ZNF600: variants seen among roughly 807,000 people sequenced by gnomAD.
ZNF600 encodes zinc finger protein 600, also known as zinc finger protein KR-ZNF1.
ZNF600 carries 4 observed loss-of-function variants against 7.3 expected under a neutral mutation model. The observed-to-expected ratio is 0.55, with a 90% confidence interval of 0.27 to 1.25. The LOEUF (loss-of-function observed/expected upper bound fraction) is 1.25. ZNF600 is among the 50% of genes most tolerant of loss of function. ZNF600 has a pLI of 0.12. For missense variants in ZNF600, 911 were observed against 922.1 expected, an observed-to-expected ratio of 0.99 and a Z score of 0.16; for synonymous variants, 290 against 308.9, an observed-to-expected ratio of 0.94 and a Z score of 0.64.
the ZNF600 span, among the ~76,000 whole-genome samples, chr19:52,832,034 A>G: frequency 1.3e-5 from 2 of 152,158 alleles, no homozygotes; most frequent in Admixed American, 6.6e-5. Flanking sequence ...TGTGTTTTCT[A>G]CATAAACCAT....
intron 3 of ZNF600, among the ~76,000 whole-genome samples, chr19:52,768,312 G>C (rs1283749731): frequency 1.3e-5 from 2 of 151,162 alleles, no homozygotes; most frequent in African/African-American, 4.9e-5. Flanking sequence ...GCTGGCCCGT[G>C]CCTGACAGTC....
chr19:52,811,063 T>G, the ZNF600 span, among the ~76,000 whole-genome samples: 13 of 136,054 alleles, frequency 9.6e-5, no homozygotes, highest in African/African-American at 2.9e-4. Context: ...CTGGTTTTCG[T>G]TTTTTTTTTT....
At chr19:52,789,888 G>A (rs937874192), upstream of ZNF600, among the ~76,000 whole-genome samples, 11 of 152,142 alleles carry the variant, frequency 7.2e-5, no homozygotes, top group Non-Finnish European at 1.5e-4. Context: ...AAGGGAGATA[G>A]GGGTGGGGCC....
At chr19:52,767,006 C>T (rs775689371) in exon 4 of ZNF600, 5 of 1,614,126 alleles carry the variant, frequency 3.1e-6, no homozygotes, top group Non-Finnish European at 4.2e-6. Flanking sequence ...TCTTGCCACA[C>T]TCATTACACT....
At chr19:52,784,888 G>A (rs956008149) in intron 1 of ZNF600, among the ~76,000 whole-genome samples, 2 of 152,054 alleles carry the variant, frequency 1.3e-5, no homozygotes, top group South Asian at 2.1e-4. Context: ...TATCACACCC[G>A]GTTAAATTTT....
chr19:52,807,728 G>C, the ZNF600 span: 1 of 480,998 alleles, frequency 2.1e-6, no homozygotes, highest in East Asian at 4.4e-5. Context: ...ACACGCCTTG[G>C]CCTCCCAAGG....
chr19:52,815,623 G>A, the ZNF600 span, among the ~76,000 whole-genome samples: 1 of 146,530 alleles, frequency 6.8e-6, no homozygotes, highest in Non-Finnish European at 1.5e-5. Context: ...AGGAGATCGA[G>A]ACCATCCTGG....
intron 1 of ZNF600, among the ~76,000 whole-genome samples, chr19:52,784,527 A>G (rs2062748929): frequency 6.6e-6 from 1 of 152,184 alleles, no homozygotes; most frequent in South Asian, 2.1e-4. Context: ...CTGACTCACA[A>G]CTGAATAACT....
At chr19:52,790,839 A>G (rs1172164248), upstream of ZNF600, among the ~76,000 whole-genome samples, 1 of 151,948 alleles carries the variant, frequency 6.6e-6, no homozygotes, top group Non-Finnish European at 1.5e-5. Flanking sequence ...GGCATGAGCC[A>G]TCACTCCCAA....
chr19:52,819,471 G>GA, the ZNF600 span, among the ~76,000 whole-genome samples: 2 of 107,608 alleles, frequency 1.9e-5, 1 homozygote, highest in African/African-American at 7.6e-5. Context: ...CCCTCTACCA[G>GA]AAAAAAAGCC....
the ZNF600 span, among the ~76,000 whole-genome samples, chr19:52,821,964 TACA>T: frequency 1.3e-5 from 2 of 151,206 alleles, no homozygotes; most frequent in African/African-American, 2.4e-5. Context: ...GAGACAGGGA[TACA>T]ACATTACTCT....
At chr19:52,795,477 C>G in the ZNF600 span, among the ~76,000 whole-genome samples, 1 of 151,620 alleles carries the variant, frequency 6.6e-6, no homozygotes, top group Non-Finnish European at 1.5e-5. Context: ...AATGTGGGGT[C>G]AAAGAAATTT....
intron 1 of ZNF600, among the ~76,000 whole-genome samples, chr19:52,782,617 T>C (rs144849600): frequency 0.015 from 2,283 of 152,166 alleles, 24 homozygotes; most frequent in Admixed American, 0.023. Context: ...CTCACGCCTG[T>C]AATCCCAACA....
upstream of ZNF600, among the ~76,000 whole-genome samples, chr19:52,791,384 C>T (rs1396988008): frequency 2.6e-5 from 4 of 152,220 alleles, no homozygotes; most frequent in Non-Finnish European, 4.4e-5. Flanking sequence ...TGGGTGAGTG[C>T]AAGTGAATGT....
upstream of ZNF600, among the ~76,000 whole-genome samples, chr19:52,790,608 G>T (rs1198597997): frequency 6.6e-6 from 1 of 151,820 alleles, no homozygotes; most frequent in African/African-American, 2.4e-5. Context: ...GGAGTTTCAG[G>T]CTGCTGTAAA....
the ZNF600 span, chr19:52,810,188 A>T: frequency 9.8e-7 from 1 of 1,016,550 alleles, no homozygotes; most frequent in Non-Finnish European, 1.6e-6. Context: ...TGGAGGAAGA[A>T]GCTGAGAAGC....
At chr19:52,796,610 A>G in the ZNF600 span, among the ~76,000 whole-genome samples, 2 of 152,150 alleles carry the variant, frequency 1.3e-5, no homozygotes, top group African/African-American at 4.8e-5. Flanking sequence ...GAACCAGCAG[A>G]CATGTGCCAC....
At chr19:52,782,664 G>A (rs1259599299) in intron 1 of ZNF600, among the ~76,000 whole-genome samples, 4 of 152,186 alleles carry the variant, frequency 2.6e-5, no homozygotes, top group Non-Finnish European at 5.9e-5. Context: ...ACGAGGTCAT[G>A]AATTCAAGAC....
chr19:52,766,871 A>T, exon 4 of ZNF600: 1 of 1,614,190 alleles, frequency 6.2e-7, no homozygotes, highest in Non-Finnish European at 8.5e-7. Context: ...CTCCAGTATG[A>T]ATTCTACGAT....
Sources: gnomAD v4.1 joint callset for allele counts (sites outside exome capture counted in the v4.1 genomes callset) on GRCh38, gnomAD v4.1.1 for gene constraint, MANE v1.5 for transcripts, NCBI Gene and HGNC (gene_info 2026-07-23, HGNC 2026-07-21) for gene names.